Variants in DENND11 observed in about 807,000 individuals in gnomAD.
The protein encoded by DENND11 is DENN domain containing 11.
Under a neutral mutation model 49.2 loss-of-function variants are expected in DENND11, and 34 were observed. That is an observed-to-expected ratio of 0.69 (90% CI 0.53 to 0.92). The LOEUF (loss-of-function observed/expected upper bound fraction) is 0.92. Ranked by LOEUF, DENND11 falls within the 40% of genes least tolerant of loss-of-function variation. The pLI is 0.00. For missense variants in DENND11, 475 were observed against 581.6 expected (o/e 0.82, Z 1.88); for synonymous variants, 238 against 230.3 (o/e 1.03, Z -0.30).
chr7:141,684,186 C>T (rs1241942156), intron 3 of DENND11, among the ~76,000 whole-genome samples: 1 of 152,170 alleles, frequency 6.6e-6, no homozygotes, highest in African/African-American at 2.4e-5. Flanking sequence ...ATTGATCCTC[C>T]TTGGCCTCCT....
At chr7:141,682,972 A>G (rs1798171716) in intron 3 of DENND11, among the ~76,000 whole-genome samples, 2 of 151,990 alleles carry the variant, frequency 1.3e-5, no homozygotes. Context: ...AAAACTGAGG[A>G]AATATTTTGA....
At chr7:141,679,028 T>A (rs1798108672) in intron 3 of DENND11, among the ~76,000 whole-genome samples, 1 of 152,208 alleles carries the variant, frequency 6.6e-6, no homozygotes, top group Non-Finnish European at 1.5e-5. Flanking sequence ...GTAAATAGGT[T>A]TGGAACATCA....
At chr7:141,686,529 C>T (rs375624777) in intron 2 of DENND11, 30 bp downstream of exon 2, 305 of 1,416,054 alleles carry the variant, frequency 2.2e-4, no homozygotes, top group Non-Finnish European at 2.7e-4. Context: ...GGGAATGGTA[C>T]GAAGATGACT....
At chr7:141,689,432 A>C (rs1360129398) in intron 1 of DENND11, among the ~76,000 whole-genome samples, 1 of 152,188 alleles carries the variant, frequency 6.6e-6, no homozygotes, top group Admixed American at 6.5e-5. Context: ...GAAGGGAACA[A>C]CACACACCAG....
At chr7:141,697,050 T>C (rs1196967327) in intron 1 of DENND11, among the ~76,000 whole-genome samples, 1 of 152,208 alleles carries the variant, frequency 6.6e-6, no homozygotes, top group Non-Finnish European at 1.5e-5. Context: ...ATTTCACAGA[T>C]CCCATATCAT....
chr7:141,701,271 C>T (rs1798508139), intron 1 of DENND11, among the ~76,000 whole-genome samples: 1 of 151,938 alleles, frequency 6.6e-6, no homozygotes, highest in Non-Finnish European at 1.5e-5. Flanking sequence ...CCTTAATGCT[C>T]CCGGCGTTAA....
chr7:141,701,429 G>A (rs1798513875), intron 1 of DENND11: 1 of 138,852 alleles, frequency 7.2e-6, no homozygotes, highest in African/African-American at 2.7e-5. Flanking sequence ...GGGCGAGCGG[G>A]GAGCGGGGGA....
Position 141,678,503 on chromosome 7 carries a change from C to T in DENND11, c.528-4283G>A, listed in dbSNP as rs1018494775. Among the ~76,000 whole-genome samples, 4 of 152,060 alleles carry T rather than the reference C, an allele frequency of 2.6e-5. No homozygotes were observed. The South Asian group carries it at 8.3e-4, about 32-fold the overall frequency. On this transcript the variant is annotated intron_variant, in intron 3 of 8. Transcript: ENST00000536163. ...CTATGAACATTTTCAAACATATACA[C>T]AAAATGTAGAAAGAAGAGAATGAAC...
intron 3 of DENND11, among the ~76,000 whole-genome samples, chr7:141,683,477 A>G (rs1434648504): frequency 6.7e-6 from 1 of 149,028 alleles, no homozygotes; most frequent in East Asian, 1.9e-4. Context: ...CGTCTCTACT[A>G]AAAAAAAATA....
Position 141,674,204 on chromosome 7 carries a change from G to C in DENND11, c.544C>G (p.Pro182Ala). 6.5e-7 allele frequency: 1 copy of C among 1,544,494 alleles called. No individual in the cohort carries two copies. The highest frequency in any genetic ancestry group is 8.7e-7 in the Non-Finnish European group (1 of 1,146,166). Residue 182 changes from proline (P) to alanine (A), a missense_variant, in exon 4 of 9, where the codon CCA becomes GCA. Transcript: ENST00000536163. ...ENQVRHQLEM[P>A]GHYSHLAAFY... ...GCAGCCAGATGAGAGTAATGTCCTG[G>C]CATCTCCAACTGGTGCCTGCAGAAA...
intron 3 of DENND11, among the ~76,000 whole-genome samples, chr7:141,682,536 G>A (rs780670531): frequency 6.6e-6 from 1 of 152,272 alleles, no homozygotes; most frequent in South Asian, 2.1e-4. Flanking sequence ...CTTCCCTATG[G>A]GCTGAAATGC....
chr7:141,666,444 A>G lies in DENND11; in HGVS notation c.682-19T>C, dbSNP rs1797895229. ...GTGTGATCTGAAAAAATTGAGGGGA[A>G]TAGGGAGGAGAAAGAGTGAGGAACA... On this transcript the variant is annotated intron_variant, in intron 4 of 8. Coordinates refer to ENST00000536163, the MANE Select transcript of DENND11 (RefSeq NM_001080392.2). 1 of 1,566,378 alleles carries G rather than the reference A, an allele frequency of 6.4e-7. No homozygotes were observed. Among genetic ancestry groups the G allele is most frequent in the Non-Finnish European group, 8.7e-7 (1 of 1,148,172 alleles).
chr7:141,701,823 C>G (rs1798525218), intron 1 of DENND11, 63 bp downstream of exon 1: 1 of 1,133,238 alleles, frequency 8.8e-7, no homozygotes, highest in African/African-American at 1.6e-5. Flanking sequence ...CCCTCCCCCG[C>G]GCCCCCAAAG....
chr7:141,678,559 A>G (rs956814728), intron 3 of DENND11, among the ~76,000 whole-genome samples: 1 of 152,204 alleles, frequency 6.6e-6, no homozygotes, highest in Non-Finnish European at 1.5e-5. Context: ...CTTCAATAAT[A>G]TTTGATCCAT....
intron 1 of DENND11, among the ~76,000 whole-genome samples, chr7:141,700,069 C>T (rs1402682874): frequency 6.6e-6 from 1 of 152,178 alleles, no homozygotes; most frequent in African/African-American, 2.4e-5. Flanking sequence ...AATAATTGAT[C>T]AATTATCAGT....
At chr7:141,682,239 T>C (rs1798158518) in intron 3 of DENND11, among the ~76,000 whole-genome samples, 1 of 152,190 alleles carries the variant, frequency 6.6e-6, no homozygotes, top group African/African-American at 2.4e-5. Flanking sequence ...CTCTGTGATG[T>C]CTCCTTTGGG....
intron 3 of DENND11, 103 bp downstream of exon 3, chr7:141,685,375 C>T (rs1798222067): frequency 2.2e-6 from 3 of 1,390,012 alleles, no homozygotes; most frequent in Non-Finnish European, 2.0e-6. Context: ...CTTGGAAAGA[C>T]ATCTGCTGCT....
intron 4 of DENND11, among the ~76,000 whole-genome samples, chr7:141,670,074 T>G (rs1017290989): frequency 1.3e-5 from 2 of 152,038 alleles, no homozygotes; most frequent in African/African-American, 4.8e-5. Context: ...CCTCCCAAAG[T>G]GCTGGGATTA....
chr7:141,663,016 A>G (rs1413469150), intron 8 of DENND11, 165 bp from the exon 9 acceptor site: 6 of 533,028 alleles, frequency 1.1e-5, no homozygotes, highest in African/African-American at 5.9e-5. Context: ...TTAATTATTC[A>G]AGTGCTACTA....
Sources: gnomAD v4.1 joint callset for allele counts (sites outside exome capture counted in the v4.1 genomes callset) on GRCh38, gnomAD v4.1.1 for gene constraint, MANE v1.5 for transcripts, NCBI Gene and HGNC (gene_info 2026-07-23, HGNC 2026-07-21) for gene names.